SLC15A2: variants seen among roughly 807,000 people sequenced by gnomAD.
SLC15A2 encodes the protein kidney H(+)/peptide cotransporter.
SLC15A2 carries 77 observed loss-of-function variants against 95.5 expected under a neutral mutation model. The observed-to-expected ratio is 0.81, with a 90% CI of 0.67 to 0.97. The LOEUF is 0.97. Among genes scored for constraint, SLC15A2 ranks in the 50% least tolerant of loss-of-function variants. The pLI is 0.00. For missense variants in SLC15A2, 893 were observed against 874.4 expected, an observed-to-expected ratio of 1.02 and a Z score of -0.27; for synonymous variants, 306 against 306.9, an observed-to-expected ratio of 1.00 and a Z score of 0.03.
chr3:121,925,850 GA>G (rs1462781051), intron 13 of SLC15A2, among the ~76,000 whole-genome samples: 1 of 144,452 alleles, frequency 6.9e-6, no homozygotes, highest in Non-Finnish European at 1.5e-5. Context: ...AGGAGAGGTA[GA>G]AAAGAAAAAG....
chr3:121,928,711 TAC>T (rs1333089925), intron 15 of SLC15A2, among the ~76,000 whole-genome samples, 156 bp downstream of exon 15: 4 of 152,262 alleles, frequency 2.6e-5, no homozygotes, highest in African/African-American at 7.2e-5. Context: ...TCTATAGATA[TAC>T]CATAGTTTAT....
chr3:121,914,955 C>T (rs546438736), intron 5 of SLC15A2: 102 of 1,152,818 alleles, frequency 8.8e-5, no homozygotes, highest in Non-Finnish European at 1.0e-4. Context: ...ATACAGGATA[C>T]GGTAGTGGCA....
intron 3 of SLC15A2, among the ~76,000 whole-genome samples, chr3:121,903,627 T>C (rs964109943): frequency 6.6e-6 from 1 of 152,198 alleles, no homozygotes; most frequent in African/African-American, 2.4e-5. Flanking sequence ...CCATTGCTTG[T>C]TTTTGTCAGG....
chr3:121,928,522 T>C lies in SLC15A2; in HGVS notation c.1308T>C (p.Asn436=). The C allele has an allele frequency of 6.2e-7, 1 of 1,614,116 alleles. No individual in the cohort carries two copies. ...VKVTVVGNEN[N]SLLIESIKSF... ...TGACAGTGGTGGGAAATGAAAACAA[T>C]TCTCTGTTGATAGAGTCCATCAAAT... Residue 436 remains asparagine, a synonymous_variant, in exon 15 of 22, where the codon AAT becomes AAC. Coordinates refer to ENST00000489711, the MANE Select transcript of SLC15A2 (RefSeq NM_021082.4).
At chr3:121,903,932 ACCTTGGG>A (rs1433621077) in intron 3 of SLC15A2, among the ~76,000 whole-genome samples, 5 of 152,174 alleles carry the variant, frequency 3.3e-5, no homozygotes, top group African/African-American at 4.8e-5. Context: ...TCTATAAATT[ACCTTGGG>A]CAGTATGGCC....
chr3:121,914,071 A>G (rs1423263689), intron 5 of SLC15A2, among the ~76,000 whole-genome samples: 1 of 151,628 alleles, frequency 6.6e-6, no homozygotes, highest in African/African-American at 2.4e-5. Context: ...TACCTTTCAG[A>G]CCATTTGGGT....
At chr3:121,914,656 G>A (rs9862977) in intron 5 of SLC15A2, among the ~76,000 whole-genome samples, 67,795 of 151,780 alleles carry the variant, frequency 0.45, 15,670 homozygotes, top group East Asian at 0.69. Context: ...AATATATGTC[G>A]GATGCTGTGC....
chr3:121,933,885 TA>T (rs1389053141), intron 19 of SLC15A2, among the ~76,000 whole-genome samples: 15 of 149,720 alleles, frequency 1.0e-4, no homozygotes, highest in African/African-American at 3.4e-4. Context: ...CTAGGGTTTT[TA>T]TGGTTTTAGG....
At chr3:121,903,258 T>A (rs1324940972) in intron 3 of SLC15A2, among the ~76,000 whole-genome samples, 1 of 152,246 alleles carries the variant, frequency 6.6e-6, no homozygotes, top group Non-Finnish European at 1.5e-5. Flanking sequence ...TAGCCCTTTG[T>A]CAGATGGGTA....
At chr3:121,933,606 G>A (rs1344997846) in intron 19 of SLC15A2, among the ~76,000 whole-genome samples, 7 of 149,736 alleles carry the variant, frequency 4.7e-5, no homozygotes, top group Non-Finnish European at 9.0e-5. Context: ...TTTTGATGGG[G>A]TTGTTTGTTT....
Position 121,929,022 on chromosome 3 carries a change from G to T in SLC15A2, c.1382G>T (p.Ser461Ile). ...HYSKLHLKTK[S>I]QDFHFHLKYH... is the part of the protein sequence containing the mutation. ...TCCAAACTGCACCTGAAAACAAAAA[G>T]CCAGGATTTTCACTTCCACCTGAAA... Residue 461 changes from serine to isoleucine, a missense_variant, in exon 16 of 22, where the codon AGC becomes ATC. Physicochemically the swap from Ser to Ile is moderately radical, Grantham distance 142. Transcript: ENST00000489711. The T allele has an allele frequency of 6.2e-7, 1 of 1,614,028 alleles. No individual in the cohort carries two copies.
rs1710066520 is a variant in SLC15A2, at chr3:121,924,282, T to C, written c.1003-69T>C. The C allele has an allele frequency of 4.4e-6, 6 of 1,351,852 alleles. No individual in the cohort carries two copies. In the South Asian group the frequency reaches 6.0e-5, roughly 14 times the overall value. The allele number at this position is 1,351,852 out of a possible 1,614,324, so 83.7% of individuals were successfully genotyped here. On this transcript the variant is annotated intron_variant, in intron 11 of 21. Transcript: ENST00000489711. Reference sequence around the variant, plus strand: ...CTCACTTGCTAACTAGCAAAATTATTGATCTAGGCCAACATTTTTTTTTCT... The same window carrying C: ...CTCACTTGCTAACTAGCAAAATTATCGATCTAGGCCAACATTTTTTTTTCT...
chr3:121,924,452 C>T (rs34681836), intron 12 of SLC15A2, 69 bp downstream of exon 12: 15 of 1,317,192 alleles, frequency 1.1e-5, no homozygotes, highest in Admixed American at 3.5e-5. Context: ...TGCAGTATTA[C>T]GATTAACAAC....
At chr3:121,898,801 T>C (rs558382626) in intron 3 of SLC15A2, among the ~76,000 whole-genome samples, 1 of 152,342 alleles carries the variant, frequency 6.6e-6, no homozygotes, top group African/African-American at 2.4e-5. Context: ...GACCCAGTGT[T>C]CCAAGGAATT....
rs1710416918 is a variant in SLC15A2 at position 121,939,431 on chromosome 3, A to G, written c.1844A>G (p.Tyr615Cys). Residue 615 changes from tyrosine (Y) to cysteine (C), a missense_variant, in exon 20 of 22, where the codon TAT (tyrosine) becomes TGT (cysteine). Coordinates refer to ENST00000489711, the MANE Select transcript of SLC15A2 (RefSeq NM_021082.4). ...TCCATTGCGTGGCAGCTACCACAAT[A>G]TGCCCTGGTTACAGCTGGGGAGGTC... Reference protein sequence around the residue: ...KMSIAWQLPQYALVTAGEVMF... With the variant: ...KMSIAWQLPQCALVTAGEVMF... 3 of 1,577,310 alleles carry G rather than the reference A, an allele frequency of 1.9e-6. No individual in the cohort carries two copies. The highest frequency in any genetic ancestry group is 2.6e-6 in the Non-Finnish European group (3 of 1,162,458).
rs1710235666 is a variant in SLC15A2, at chr3:121,931,695, T to C, written c.1721T>C (p.Leu574Pro). 6.2e-7 allele frequency: 1 copy of C among 1,613,446 alleles called. No individual in the cohort carries two copies. The change falls in exon 19 of 22, where the codon CTT (leucine) becomes CCT (proline). Residue 574 changes from leucine (L) to proline (P), a missense_variant. Coordinates refer to ENST00000489711, the MANE Select transcript of SLC15A2 (RefSeq NM_021082.4). ...EDKNFSLNLG[L>P]LDFGAAYLFV... ...AAGAACTTTTCTCTGAATTTGGGTC[T>C]TCTAGACTTTGGTGCAGCATATCTG...
intron 4 of SLC15A2, among the ~76,000 whole-genome samples, chr3:121,912,316 C>A (rs1709782844): frequency 6.6e-6 from 1 of 152,136 alleles, no homozygotes; most frequent in Admixed American, 6.5e-5. Flanking sequence ...TCACTGAAAC[C>A]TTTGCCTCCT....
chr3:121,916,848 T>C (rs1476645118), intron 7 of SLC15A2, among the ~76,000 whole-genome samples: 2 of 151,984 alleles, frequency 1.3e-5, no homozygotes, highest in Non-Finnish European at 1.5e-5. Context: ...TGAGATGGAG[T>C]CTCGCTCTGT....
intron 19 of SLC15A2, among the ~76,000 whole-genome samples, chr3:121,933,903 G>A (rs1203033771): frequency 1.5e-3 from 219 of 148,728 alleles, no homozygotes; most frequent in Middle Eastern, 6.9e-3. Flanking sequence ...TAGGTCTAAC[G>A]TTTAAGTCTT....
Sources: gnomAD v4.1 joint callset for allele counts (sites outside exome capture counted in the v4.1 genomes callset) on GRCh38, gnomAD v4.1.1 for gene constraint, MANE v1.5 for transcripts, NCBI Gene and HGNC (gene_info 2026-07-23, HGNC 2026-07-21) for gene names.